The following FBXL4 variants were observed in gnomAD, a reference collection of about 807,000 sequenced individuals.
FBXL4 encodes F-box and leucine rich repeat protein 4.
Under a neutral mutation model 58.9 loss-of-function variants are expected in FBXL4, and 40 were observed. That is an observed-to-expected ratio of 0.68 (90% CI 0.53 to 0.88). The LOEUF (loss-of-function observed/expected upper bound fraction) is 0.88, where lower values mean the gene tolerates loss of function less well. Ranked by LOEUF, FBXL4 falls within the 40% of genes least tolerant of loss-of-function variation. FBXL4 has a pLI of 0.00. For missense variants in FBXL4, 676 were observed against 734.4 expected (o/e 0.92, Z 0.92); for synonymous variants, 263 against 265.5 (o/e 0.99, Z 0.09).
At chr6:98,945,204 C>T (rs916512654) in intron 1 of FBXL4, among the ~76,000 whole-genome samples, 1 of 152,146 alleles carries the variant, frequency 6.6e-6, no homozygotes. Flanking sequence ...ACAGAATAAA[C>T]ACAAAAATGA....
intron 5 of FBXL4, among the ~76,000 whole-genome samples, chr6:98,913,600 A>T (rs1772195808): frequency 6.6e-6 from 1 of 152,238 alleles, no homozygotes; most frequent in African/African-American, 2.4e-5. Flanking sequence ...AGAAATAAAG[A>T]TGTTCTTTGA....
At chr6:98,940,467 G>C (rs1217623588) in intron 1 of FBXL4, among the ~76,000 whole-genome samples, 2 of 152,166 alleles carry the variant, frequency 1.3e-5, no homozygotes, top group African/African-American at 4.8e-5. Flanking sequence ...CTCATCAATA[G>C]TTAATATTGT....
intron 2 of FBXL4, among the ~76,000 whole-genome samples, chr6:98,934,409 AAGAG>A (rs1201418712): frequency 4.6e-5 from 7 of 151,988 alleles, no homozygotes; most frequent in Non-Finnish European, 7.4e-5. Context: ...AAAAAAAAAA[AAGAG>A]AGAGAGAGAC....
chr6:98,875,868 A>G, intron 8 of FBXL4, 141 bp from the exon 9 acceptor site: 2 of 792,714 alleles, frequency 2.5e-6, no homozygotes, highest in South Asian at 1.7e-5. Context: ...AGATCTGCCC[A>G]CTGACCTCAC....
chr6:98,946,698 T>C (rs773112137), intron 1 of FBXL4, among the ~76,000 whole-genome samples: 1 of 152,214 alleles, frequency 6.6e-6, no homozygotes, highest in Non-Finnish European at 1.5e-5. Flanking sequence ...AGCCAACTTT[T>C]GGCGCAGAAG....
At chr6:98,932,277 T>A (rs1363503290) in intron 2 of FBXL4, among the ~76,000 whole-genome samples, 3 of 152,170 alleles carry the variant, frequency 2.0e-5, no homozygotes, top group Non-Finnish European at 4.4e-5. Flanking sequence ...AAGTGAGAAA[T>A]TCTCTACACT....
In FBXL4 at chr6:98,868,969, A is replaced by C. The variant is rs1770423934; in HGVS notation, c.*5309T>G. 1 of 152,208 alleles carries C rather than the reference A, an allele frequency of 6.6e-6. No individual in the cohort carries two copies. Among genetic ancestry groups the C allele is most frequent in the South Asian group, 2.1e-4 (1 of 4,832 alleles). The allele number at this position is 152,208 out of a possible 1,614,324, so 9.4% of individuals were successfully genotyped here. ...GTGCCAAAGGAATAATCTTGGCCCC[A>C]TCCCTACTTATAAAAAATATATAAT... On this transcript the variant is annotated 3_prime_UTR_variant, in exon 10 of 10. Transcript: ENST00000369244.
At chr6:98,883,800 C>T (rs1215898731) in intron 7 of FBXL4, among the ~76,000 whole-genome samples, 1 of 151,262 alleles carries the variant, frequency 6.6e-6, no homozygotes, top group Non-Finnish European at 1.5e-5. Context: ...TATTATACTT[C>T]ATAAGTCTTT....
At chr6:98,878,932 T>C (rs1013888177) in intron 8 of FBXL4, among the ~76,000 whole-genome samples, 3 of 152,116 alleles carry the variant, frequency 2.0e-5, no homozygotes, top group Non-Finnish European at 4.4e-5. Flanking sequence ...GGAAAGAATT[T>C]GACCAGAAGT....
chr6:98,908,290 A>ATAC (rs1237876558), intron 5 of FBXL4, among the ~76,000 whole-genome samples: 2 of 152,178 alleles, frequency 1.3e-5, no homozygotes, highest in Non-Finnish European at 2.9e-5. Flanking sequence ...TAAAAGAATG[A>ATAC]TACTATATAC....
chr6:98,937,430 CT>C (rs1350407638), intron 1 of FBXL4, among the ~76,000 whole-genome samples: 1 of 152,034 alleles, frequency 6.6e-6, no homozygotes, highest in Non-Finnish European at 1.5e-5. Flanking sequence ...ATAATTTATG[CT>C]TATAATAAAG....
intron 4 of FBXL4, among the ~76,000 whole-genome samples, chr6:98,920,334 T>G (rs1772531095): frequency 6.6e-6 from 1 of 152,164 alleles, no homozygotes; most frequent in Non-Finnish European, 1.5e-5. Context: ...TATTTTAGCA[T>G]CATTCTTGCT....
intron 1 of FBXL4, among the ~76,000 whole-genome samples, chr6:98,935,772 G>A (rs1232762223): frequency 7.0e-6 from 1 of 142,200 alleles, no homozygotes; most frequent in Non-Finnish European, 1.5e-5. Flanking sequence ...GTCTGGCCTG[G>A]GCGACAGAGC....
intron 1 of FBXL4, among the ~76,000 whole-genome samples, chr6:98,936,601 T>C (rs1010303643): frequency 2.0e-5 from 3 of 152,212 alleles, no homozygotes; most frequent in African/African-American, 7.2e-5. Context: ...GGAGTAAATA[T>C]ATTTTCTTTT....
At position 98,875,529 on chromosome 6, in the gene FBXL4, G is replaced by A; in HGVS notation, c.1588C>T (p.His530Tyr). The A allele has an allele frequency of 6.2e-7, 1 of 1,614,146 alleles. No homozygotes were observed. Among genetic ancestry groups the A allele is most frequent in the South Asian group, 1.1e-5 (1 of 91,084 alleles). The change falls in exon 9 of 10, where the codon CAC becomes TAC. Residue 530 changes from histidine (H) to tyrosine (Y), a missense_variant. His to Tyr is a moderately conservative substitution (Grantham distance 83). Coordinates refer to ENST00000369244, the MANE Select transcript of FBXL4 (RefSeq NM_001278716.2). The part of the protein sequence containing the change: ...SSTGCFTRLA[H>Y]QLPNLQKLFL... The stretch of plus-strand genomic sequence containing the variant: ...AGTTTTTGCAAGTTTGGGAGCTGGT[G>A]TGCCAGTCTGGTGAAGCACCCGGTG...
chr6:98,883,061 T>C (rs894825570), intron 7 of FBXL4, among the ~76,000 whole-genome samples: 1 of 152,040 alleles, frequency 6.6e-6, no homozygotes, highest in African/African-American at 2.4e-5. Context: ...CCATCAGTAC[T>C]GTAAGACTGT....
At chr6:98,884,401 ATC>A (rs1262069300) in intron 7 of FBXL4, among the ~76,000 whole-genome samples, 1 of 152,120 alleles carries the variant, frequency 6.6e-6, no homozygotes, top group Non-Finnish European at 1.5e-5. Flanking sequence ...TTTACCCTCA[ATC>A]TTTTTTTAAA....
chr6:98,888,363 A>T (rs1771111197), intron 7 of FBXL4, among the ~76,000 whole-genome samples: 1 of 152,238 alleles, frequency 6.6e-6, no homozygotes, highest in Admixed American at 6.5e-5. Context: ...CTAGCCCTTC[A>T]CAGAAAAAGT....
chr6:98,886,285 T>TGAGA lies in FBXL4; in HGVS notation c.1318-5665_1318-5662dup, dbSNP rs141914139. Among the ~76,000 whole-genome samples, 82 of 149,756 alleles carry TGAGA rather than the reference T, an allele frequency of 5.5e-4. 1 individual carries two copies. Among genetic ancestry groups the TGAGA allele is most frequent in the Middle Eastern group, 3.4e-3 (1 of 290 alleles). Reference sequence around the variant, plus strand: ...AGGACTGCCTTGCCTTAGGAGTAAATGAGAGAGAGAGAGAGAGAGATTTAT... The same window carrying TGAGA: ...AGGACTGCCTTGCCTTAGGAGTAAATGAGAGAGAGAGAGAGAGAGAGAGATTTAT... On this transcript the variant is annotated intron_variant, in intron 7 of 9. Coordinates refer to ENST00000369244, the MANE Select transcript of FBXL4 (RefSeq NM_001278716.2).
Sources: allele counts gnomAD v4.1 joint callset (sites outside exome capture counted in the v4.1 genomes callset), GRCh38; gene constraint gnomAD v4.1.1; transcripts MANE v1.5; gene names NCBI Gene and HGNC (gene_info 2026-07-23, HGNC 2026-07-21).